The following RPH3AL variants were observed in gnomAD, a reference collection of about 807,000 sequenced individuals.
RPH3AL encodes rab effector Noc2.
Under a neutral mutation model 43.1 loss-of-function variants are expected in RPH3AL, and 38 were observed. The observed-to-expected ratio is 0.88, with a 90% CI of 0.68 to 1.15. The LOEUF (loss-of-function observed/expected upper bound fraction) is 1.15. Among genes scored for constraint, RPH3AL ranks in the 50% most tolerant of loss-of-function variants. The probability of loss-of-function intolerance (pLI) is 0.00; values close to 1 mark genes in which losing one functional copy is unlikely to be tolerated. For synonymous variants in RPH3AL, 189 were observed against 176.3 expected, an observed-to-expected ratio of 1.07 and a Z score of -0.57; for missense variants, 462 against 423.2, an observed-to-expected ratio of 1.09 and a Z score of -0.81.
intron 6 of RPH3AL, 43 bp downstream of exon 6, chr17:281,725 C>A (rs12942829): frequency 0.54 from 739,827 of 1,373,464 alleles, 203,441 homozygotes; most frequent in Non-Finnish European, 0.58. Flanking sequence ...GAGGGCATAT[C>A]CAGCCCACTC....
intron 6 of RPH3AL, among the ~76,000 whole-genome samples, chr17:259,778 C>A (rs944242234): frequency 6.6e-6 from 1 of 152,256 alleles, no homozygotes; most frequent in African/African-American, 2.4e-5. Flanking sequence ...CTCTGTGCTC[C>A]GCTTCCAGGT....
At chr17:331,448 G>C (rs2044760684) in intron 2 of RPH3AL, 2 of 677,354 alleles carry the variant, frequency 3.0e-6, no homozygotes, top group South Asian at 3.7e-5. Flanking sequence ...TGAGGACCCA[G>C]GAGAATTCAG....
At chr17:309,306 ACTC>A (rs905852853) in intron 5 of RPH3AL, among the ~76,000 whole-genome samples, 5 of 151,696 alleles carry the variant, frequency 3.3e-5, no homozygotes, top group Admixed American at 6.6e-5. Flanking sequence ...AAAAAGGAGC[ACTC>A]CTCCTGCTCT....
rs746832342 is a variant in RPH3AL at position 281,814 on chromosome 17, T to C, written c.392A>G (p.Gln131Arg). The change falls in exon 6 of 10, where the codon CAG becomes CGG. Residue 131 changes from glutamine (Q) to arginine (R), a missense_variant. Gln to Arg is a conservative substitution (Grantham distance 43, BLOSUM62 1). Coordinates refer to ENST00000331302, the MANE Select transcript of RPH3AL (RefSeq NM_006987.4). ...TKCGIEASPG[Q>R]KRPLWLCKIC... ...CTTACACAGCCACAGGGGCCGCTTC[T>C]GGCCAGGGGAGGCCTCGATCCCACA... The C allele has an allele frequency of 1.2e-6, 2 of 1,614,178 alleles. No homozygotes were observed.
chr17:317,584 C>G (rs1452070698), intron 5 of RPH3AL, among the ~76,000 whole-genome samples: 3 of 152,258 alleles, frequency 2.0e-5, no homozygotes, highest in East Asian at 3.9e-4. Context: ...CTTGGCAAGG[C>G]TGAAGGAGGA....
At chr17:292,414 A>G (rs2043068326) in intron 5 of RPH3AL, among the ~76,000 whole-genome samples, 1 of 152,238 alleles carries the variant, frequency 6.6e-6, no homozygotes, top group Non-Finnish European at 1.5e-5. Context: ...TTTCTCGGGT[A>G]CTTATGCTTA....
chr17:213,818 T>A lies in RPH3AL; in HGVS notation c.*34A>T. 1 of 1,585,154 alleles carries A rather than the reference T, an allele frequency of 6.3e-7. No individual in the cohort carries two copies. The highest frequency in any genetic ancestry group is 1.9e-4 in the Middle Eastern group (1 of 5,294). On this transcript the variant is annotated 3_prime_UTR_variant, in exon 10 of 10. Coordinates refer to ENST00000331302, the MANE Select transcript of RPH3AL (RefSeq NM_006987.4). ...GCCGGGCAGGGTCTGGCAGGAATCC[T>A]CCACAGGGAAGTCTGTTCCAGGCAC... is the stretch of plus-strand genomic sequence containing the variant.
At chr17:232,730 G>A (rs1597893135) in intron 7 of RPH3AL, among the ~76,000 whole-genome samples, 1 of 152,256 alleles carries the variant, frequency 6.6e-6, no homozygotes, top group East Asian at 1.9e-4. Context: ...GGAGATCTGA[G>A]TCAGTGGCTT....
intron 7 of RPH3AL, among the ~76,000 whole-genome samples, chr17:227,954 A>G (rs1352936341): frequency 6.6e-6 from 1 of 152,136 alleles, no homozygotes; most frequent in Non-Finnish European, 1.5e-5. Flanking sequence ...AGCCGTCTCC[A>G]GCCCACCAGG....
chr17:301,220 G>A (rs1014102773), intron 5 of RPH3AL, among the ~76,000 whole-genome samples: 1 of 152,254 alleles, frequency 6.6e-6, no homozygotes, highest in African/African-American at 2.4e-5. Context: ...TTATTCGAAA[G>A]TGGGACGAGA....
intron 6 of RPH3AL, among the ~76,000 whole-genome samples, chr17:277,220 C>T (rs796418958): frequency 6.6e-6 from 1 of 151,766 alleles, no homozygotes; most frequent in Non-Finnish European, 1.5e-5. Context: ...TTGATTACAC[C>T]GGAAAAGACT....
chr17:316,317 G>C (rs2044177913), intron 5 of RPH3AL, among the ~76,000 whole-genome samples: 1 of 140,096 alleles, frequency 7.1e-6, no homozygotes, highest in African/African-American at 2.7e-5. Flanking sequence ...TTGACCTGTA[G>C]TCCCTGTGCT....
intron 9 of RPH3AL, among the ~76,000 whole-genome samples, chr17:214,445 C>G (rs147733403): frequency 6.6e-6 from 1 of 152,126 alleles, no homozygotes; most frequent in East Asian, 1.9e-4. Context: ...ATTGAACTGC[C>G]GATATTTCAC....
At position 315,624 on chromosome 17, in the gene RPH3AL, C is replaced by G. The variant is rs72477018; in HGVS notation, c.351+3796G>C. ...CCTCCACTGAACTCTAGTCCCTGTA[C>G]TCCACCTCCACTGACCTGTAGTCCC... On this transcript the variant is annotated intron_variant, in intron 5 of 9. Transcript: ENST00000331302. Among the ~76,000 whole-genome samples, 913 of 92,076 alleles carry G rather than the reference C, an allele frequency of 9.9e-3. 2 individuals are homozygous for G. Among genetic ancestry groups the G allele is most frequent in the African/African-American group, 0.026 (668 of 25,958 alleles). The allele number at this position is 92,076 out of a possible 152,430, so 60.4% of individuals were successfully genotyped here.
At chr17:343,094 CACA>C (rs2045158429) in intron 1 of RPH3AL, among the ~76,000 whole-genome samples, 1 of 152,136 alleles carries the variant, frequency 6.6e-6, no homozygotes, top group African/African-American at 2.4e-5. Flanking sequence ...AAACCAGGTT[CACA>C]ACATTAGGAG....
intron 2 of RPH3AL, chr17:332,177 C>T (rs1598150202): frequency 3.1e-6 from 1 of 323,084 alleles, no homozygotes; most frequent in African/African-American, 2.2e-5. Flanking sequence ...GCTGGTGGAG[C>T]TCTGGCCACT....
At chr17:315,113 C>T (rs879025634) in intron 5 of RPH3AL, among the ~76,000 whole-genome samples, 1 of 149,980 alleles carries the variant, frequency 6.7e-6, no homozygotes, top group Non-Finnish European at 1.5e-5. Context: ...ACCCCACCTC[C>T]ATTGACCTGT....
intron 2 of RPH3AL, chr17:331,348 G>A (rs2151715217): frequency 3.5e-5 from 2 of 57,422 alleles, no homozygotes; most frequent in South Asian, 1.1e-4. Context: ...CAGAGCTGGG[G>A]CCACGGGCAG....
intron 7 of RPH3AL, among the ~76,000 whole-genome samples, chr17:237,654 A>G (rs1009110749): frequency 6.6e-6 from 1 of 152,174 alleles, no homozygotes; most frequent in African/African-American, 2.4e-5. Context: ...TGCTGGGCAA[A>G]GTGGAGAGGC....
Sources: allele counts gnomAD v4.1 joint callset (sites outside exome capture counted in the v4.1 genomes callset), GRCh38; gene constraint gnomAD v4.1.1; transcripts MANE v1.5; gene names NCBI Gene and HGNC (gene_info 2026-07-23, HGNC 2026-07-21).